The following UBE2G1 variants were observed in gnomAD, a reference collection of about 807,000 sequenced individuals.
UBE2G1 encodes the protein ubiquitin conjugating enzyme E2 G1.
UBE2G1 carries 5 observed loss-of-function variants against 22.7 expected under a neutral mutation model. The ratio of observed to expected loss-of-function variants is 0.22; its 90% CI spans 0.12 to 0.46. The LOEUF is 0.46. Among genes scored for constraint, UBE2G1 ranks in the 20% least tolerant of loss-of-function variants. The pLI is 0.99. For synonymous variants in UBE2G1, 74 were observed against 67.5 expected (o/e 1.10, Z -0.47); for missense variants, 88 against 203.9 (o/e 0.43, Z 3.46).
intron 4 of UBE2G1, among the ~76,000 whole-genome samples, chr17:4,288,243 C>A (rs1357122329): frequency 6.6e-6 from 1 of 152,068 alleles, no homozygotes; most frequent in Non-Finnish European, 1.5e-5. Flanking sequence ...TCAGACCAGG[C>A]ATTAAATTGT....
chr17:4,309,190 C>T (rs573985980), intron 1 of UBE2G1, among the ~76,000 whole-genome samples: 1 of 152,312 alleles, frequency 6.6e-6, no homozygotes, highest in African/African-American at 2.4e-5. Flanking sequence ...AACTGGAAGG[C>T]AGAGGCTGCA....
Position 4,366,620 on chromosome 17 carries a change from TC to T in UBE2G1, c.-305del, listed in dbSNP as rs1970040318. Reference sequence around the variant, plus strand: ...CCGCCCGTCGGCCCCACCGGTGCCTTCCCCCGCCACTGCCTCACTGCGCGCA... The same window carrying T: ...CCGCCCGTCGGCCCCACCGGTGCCTTCCCCGCCACTGCCTCACTGCGCGCA... On this transcript the variant is annotated 5_prime_UTR_variant, in exon 1 of 6. Transcript: ENST00000396981. 6.6e-6 allele frequency: 2 copies of T among 303,158 alleles called. No homozygotes were observed. The highest frequency in any genetic ancestry group is 4.4e-5 in the African/African-American group (2 of 45,692). 18.8% of individuals were successfully genotyped at this position (303,158 alleles called of 1,614,324 possible).
chr17:4,299,824 T>C (rs1034375527), intron 2 of UBE2G1, among the ~76,000 whole-genome samples: 2 of 114,930 alleles, frequency 1.7e-5, no homozygotes, highest in Non-Finnish European at 3.6e-5. Context: ...TTTCCTTTTT[T>C]TAGTTTTTTT....
intron 1 of UBE2G1, among the ~76,000 whole-genome samples, chr17:4,359,218 C>T (rs1969940233): frequency 6.6e-6 from 1 of 152,096 alleles, no homozygotes; most frequent in Non-Finnish European, 1.5e-5. Context: ...TAAAAGCAGT[C>T]TTGTTTTACA....
chr17:4,317,424 T>C (rs2143753628), intron 1 of UBE2G1, among the ~76,000 whole-genome samples: 1 of 151,644 alleles, frequency 6.6e-6, no homozygotes, highest in South Asian at 2.1e-4. Context: ...AAGGCTGAGG[T>C]GGGAGGACTG....
chr17:4,359,872 C>A (rs11078497), intron 1 of UBE2G1, among the ~76,000 whole-genome samples: 137,180 of 148,460 alleles, frequency 0.92, 64,010 homozygotes, highest in African/African-American at 0.97. Flanking sequence ...AAAAAACAAA[C>A]AAAAAAAAAC....
At chr17:4,356,073 A>G (rs1378885070) in intron 1 of UBE2G1, among the ~76,000 whole-genome samples, 2 of 131,058 alleles carry the variant, frequency 1.5e-5, no homozygotes, top group Non-Finnish European at 3.3e-5. Flanking sequence ...AAAAAAAAAA[A>G]GGCCAGGCAC....
chr17:4,272,361 G>GT lies in UBE2G1; in HGVS notation c.*192dup, dbSNP rs1190322871. 6 of 185,082 alleles carry GT rather than the reference G, an allele frequency of 3.2e-5. No homozygotes were observed. Among genetic ancestry groups the GT allele is most frequent in the Non-Finnish European group, 5.7e-5 (5 of 87,842 alleles). The allele number at this position is 185,082 out of a possible 1,614,324, so 11.5% of individuals were successfully genotyped here. Reference sequence around the variant, plus strand: ...TAGAATTCAAAATGCGTAATCATCTGTAAGTTGGCACTTGTTAGGCTCTTG... The same window carrying GT: ...TAGAATTCAAAATGCGTAATCATCTGTTAAGTTGGCACTTGTTAGGCTCTTG... On this transcript the variant is annotated 3_prime_UTR_variant, in exon 6 of 6. Coordinates refer to ENST00000396981, the MANE Select transcript of UBE2G1 (RefSeq NM_003342.5).
At chr17:4,306,081 T>C (rs1177193975) in intron 2 of UBE2G1, among the ~76,000 whole-genome samples, 1 of 152,202 alleles carries the variant, frequency 6.6e-6, no homozygotes, top group South Asian at 2.1e-4. Flanking sequence ...ACAATAACTT[T>C]CAATAAACTA....
intron 4 of UBE2G1, among the ~76,000 whole-genome samples, chr17:4,285,079 A>G (rs562864146): frequency 6.6e-6 from 1 of 152,126 alleles, no homozygotes; most frequent in South Asian, 2.1e-4. Context: ...CCTAGCCTTA[A>G]GTAACTCACC....
intron 1 of UBE2G1, among the ~76,000 whole-genome samples, chr17:4,315,010 A>G (rs1438806365): frequency 6.6e-6 from 1 of 152,350 alleles, no homozygotes; most frequent in East Asian, 1.9e-4. Flanking sequence ...ACATTAGACA[A>G]TATCCAGAAA....
At chr17:4,362,848 G>A (rs760127858) in intron 1 of UBE2G1, among the ~76,000 whole-genome samples, 3 of 152,086 alleles carry the variant, frequency 2.0e-5, no homozygotes, top group African/African-American at 7.2e-5. Flanking sequence ...GGTGAAAGGT[G>A]GTGGTGGCTC....
chr17:4,331,423 T>C (rs558961418), intron 1 of UBE2G1, among the ~76,000 whole-genome samples: 1 of 152,326 alleles, frequency 6.6e-6, no homozygotes, highest in Non-Finnish European at 1.5e-5. Flanking sequence ...CTATTTAAAA[T>C]ACTTTACAAG....
rs538793401 is a variant in UBE2G1 at position 4,271,431 on chromosome 17, T to G, written c.*1123A>C. 6.5e-6 allele frequency: 1 copy of G among 152,698 alleles called. No homozygotes were observed. Among genetic ancestry groups the G allele is most frequent in the African/African-American group, 2.4e-5 (1 of 41,540 alleles). The allele number at this position is 152,698 out of a possible 1,614,324, so 9.5% of individuals were successfully genotyped here. A position where few individuals can be genotyped will look rare whatever the true frequency, so the allele number is the denominator to read the frequency against. Reference sequence around the variant, plus strand: ...ACAATAAAAGCCAACAACTTGACAATTATTGAAAAAAAATTATATTTTGGA... The same window carrying G: ...ACAATAAAAGCCAACAACTTGACAAGTATTGAAAAAAAATTATATTTTGGA... On this transcript the variant is annotated 3_prime_UTR_variant, in exon 6 of 6. Transcript: ENST00000396981.
At chr17:4,317,386 A>G (rs1969387848) in intron 1 of UBE2G1, among the ~76,000 whole-genome samples, 1 of 152,078 alleles carries the variant, frequency 6.6e-6, no homozygotes, top group African/African-American at 2.4e-5. Context: ...ACATGGTGGC[A>G]TGTGCCTATA....
intron 1 of UBE2G1, among the ~76,000 whole-genome samples, chr17:4,317,697 C>G (rs1312940340): frequency 6.6e-6 from 1 of 152,216 alleles, no homozygotes; most frequent in Non-Finnish European, 1.5e-5. Flanking sequence ...CCTAAAATAA[C>G]ACTTACTGAC....
chr17:4,318,914 A>G (rs1411434728), intron 1 of UBE2G1, among the ~76,000 whole-genome samples: 1 of 152,232 alleles, frequency 6.6e-6, no homozygotes, highest in Non-Finnish European at 1.5e-5. Flanking sequence ...TCAGAAAAAC[A>G]GTCTCAAAGA....
intron 5 of UBE2G1, among the ~76,000 whole-genome samples, chr17:4,274,049 C>T (rs956345291): frequency 9.9e-5 from 15 of 151,824 alleles, no homozygotes; most frequent in African/African-American, 3.1e-4. Flanking sequence ...GGCGCGATCT[C>T]GGCTCACTGC....
chr17:4,354,220 T>C (rs1443654286), intron 1 of UBE2G1, among the ~76,000 whole-genome samples: 1 of 152,180 alleles, frequency 6.6e-6, no homozygotes, highest in Admixed American at 6.6e-5. Context: ...TGAACCAGAC[T>C]GGTAGAAGCC....
Sources: gnomAD v4.1 joint callset for allele counts (sites outside exome capture counted in the v4.1 genomes callset) on GRCh38, gnomAD v4.1.1 for gene constraint, MANE v1.5 for transcripts, NCBI Gene and HGNC (gene_info 2026-07-23, HGNC 2026-07-21) for gene names.